The following DLG2 variants were observed in gnomAD, a reference collection of about 807,000 sequenced individuals.
The protein encoded by DLG2 is disks large homolog 2.
A neutral mutation model predicts 132.5 loss-of-function variants in DLG2; 45 were observed. The ratio of observed to expected loss-of-function variants is 0.34; its 90% CI spans 0.27 to 0.44. DLG2 has a LOEUF of 0.44. Among genes scored for constraint, DLG2 ranks in the 20% least tolerant of loss-of-function variants. DLG2 has a pLI of 1.00. For missense variants in DLG2, 1,045 were observed against 1,196.9 expected, an observed-to-expected ratio of 0.87 and a Z score of 1.87; for synonymous variants, 424 against 419.6, an observed-to-expected ratio of 1.01 and a Z score of -0.13.
intron 3 of DLG2, among the ~76,000 whole-genome samples, chr11:85,499,786 T>C (rs1035593848): frequency 6.6e-6 from 1 of 152,146 alleles, no homozygotes; most frequent in Non-Finnish European, 1.5e-5. Flanking sequence ...GAAAGGCTAG[T>C]TCAACATATG....
chr11:84,861,640 C>CAAAAAAAAAAAAAAAAAAAAAAAAAAAAA (rs1248486704), intron 6 of DLG2, among the ~76,000 whole-genome samples: 2 of 75,652 alleles, frequency 2.6e-5, no homozygotes, highest in Non-Finnish European at 2.3e-5. Flanking sequence ...AAAAAAAAAA[C>CAAAAAAAAAAAAAAAAAAAAAAAAAAAAA]AAAAAAAAAA....
Position 84,727,135 on chromosome 11 carries a change from C to T in DLG2, c.358-192404G>A, listed in dbSNP as rs1314525561. 4.6e-5 allele frequency among the ~76,000 whole-genome samples: 7 copies of T among 152,140 alleles called. No homozygotes were observed. In the East Asian group the frequency reaches 1.4e-3, roughly 29 times the overall value. ...GTTTGTCAATTTTGGCTTTTGTTGC[C>T]ATTGTTTTTGGTGTTTTAGACGAAG... On this transcript the variant is annotated intron_variant, in intron 6 of 27. Coordinates refer to ENST00000376104, the MANE Select transcript of DLG2 (RefSeq NM_001142699.3).
At chr11:84,974,840 T>A (rs2054635854) in intron 6 of DLG2, among the ~76,000 whole-genome samples, 1 of 152,230 alleles carries the variant, frequency 6.6e-6, no homozygotes, top group Non-Finnish European at 1.5e-5. Flanking sequence ...AGTTTGAGAA[T>A]CAAAGGTCTA....
intron 6 of DLG2, among the ~76,000 whole-genome samples, chr11:84,854,540 T>C (rs963710747): frequency 2.6e-5 from 4 of 152,014 alleles, no homozygotes; most frequent in African/African-American, 9.7e-5. Context: ...TGAAAACCCC[T>C]GTCTTCTATT....
chr11:85,408,663 T>C (rs2089016265), intron 3 of DLG2, among the ~76,000 whole-genome samples: 1 of 150,996 alleles, frequency 6.6e-6, no homozygotes, highest in Non-Finnish European at 1.5e-5. Context: ...TTTTTGTTCT[T>C]GCGATAGTTT....
rs574951967 is a variant in DLG2, at chr11:83,741,878, G to A, written c.1825+44812C>T. ...AAAATGCAAAAAATTAGCAAGGCGT[G>A]GTGGTGGGTGCCTGTAGTTCCAGCT... On this transcript the variant is annotated intron_variant, in intron 18 of 27. Transcript: ENST00000376104. Among the ~76,000 whole-genome samples the A allele has an allele frequency of 2.5e-3, 379 of 151,874 alleles. 2 individuals carry two copies. The highest frequency in any genetic ancestry group is 9.0e-3 in the South Asian group (43 of 4,802).
At chr11:85,106,698 T>C (rs1190624037) in intron 6 of DLG2, among the ~76,000 whole-genome samples, 1 of 151,992 alleles carries the variant, frequency 6.6e-6, no homozygotes, top group Non-Finnish European at 1.5e-5. Flanking sequence ...TCCTGTTGTG[T>C]ACATAAACTC....
chr11:84,533,554 A>G (rs1224132280), intron 7 of DLG2, among the ~76,000 whole-genome samples: 1 of 152,208 alleles, frequency 6.6e-6, no homozygotes, highest in African/African-American at 2.4e-5. Context: ...TTTTTAGCAT[A>G]CCAATATGTT....
At chr11:84,362,792 G>C (rs973354697) in intron 7 of DLG2, among the ~76,000 whole-genome samples, 1 of 152,070 alleles carries the variant, frequency 6.6e-6, no homozygotes, top group Non-Finnish European at 1.5e-5. Context: ...AGTTTACTGA[G>C]AATGATGATT....
intron 8 of DLG2, among the ~76,000 whole-genome samples, chr11:84,219,230 C>A (rs2154322286): frequency 6.6e-6 from 1 of 152,264 alleles, no homozygotes; most frequent in East Asian, 1.9e-4. Flanking sequence ...AACTTTTTGT[C>A]CCTAGTTGAC....
At chr11:84,406,579 A>T (rs567017030) in intron 7 of DLG2, among the ~76,000 whole-genome samples, 1 of 152,310 alleles carries the variant, frequency 6.6e-6, no homozygotes, top group South Asian at 2.1e-4. Flanking sequence ...GGCTAAAGGA[A>T]TCCACTCACC....
At chr11:84,094,465 T>C (rs1442069686) in intron 10 of DLG2, among the ~76,000 whole-genome samples, 1 of 152,150 alleles carries the variant, frequency 6.6e-6, no homozygotes, top group Non-Finnish European at 1.5e-5. Context: ...CTGTAAATGT[T>C]AGTGTTATTT....
chr11:83,465,825 C>A (rs990635416), intron 26 of DLG2, among the ~76,000 whole-genome samples: 5 of 152,124 alleles, frequency 3.3e-5, no homozygotes, highest in African/African-American at 1.2e-4. Context: ...GCAATTTGCC[C>A]AAGGTTACTT....
At chr11:85,403,210 G>A (rs549715966) in intron 3 of DLG2, among the ~76,000 whole-genome samples, 133 of 152,256 alleles carry the variant, frequency 8.7e-4, no homozygotes, top group African/African-American at 2.9e-3. Context: ...GATGAAGCTA[G>A]AAATCATCAT....
chr11:84,660,363 G>T (rs1308804065), intron 6 of DLG2, among the ~76,000 whole-genome samples: 1 of 152,072 alleles, frequency 6.6e-6, no homozygotes, highest in African/African-American at 2.4e-5. Flanking sequence ...TGACAATTCC[G>T]ATATTTCACT....
intron 6 of DLG2, among the ~76,000 whole-genome samples, chr11:84,615,830 A>AAAAAAAAAAAAAAAG: frequency 6.8e-6 from 1 of 146,524 alleles, no homozygotes; most frequent in African/African-American, 2.6e-5. Context: ...AAAAAAAAAA[A>AAAAAAAAAAAAAAAG]AAAAAAAAAA....
chr11:85,623,133 A>G (rs1422325494), intron 2 of DLG2, among the ~76,000 whole-genome samples: 1 of 152,156 alleles, frequency 6.6e-6, no homozygotes, highest in Non-Finnish European at 1.5e-5. Context: ...CAAAACATAT[A>G]CATATAAAAA....
chr11:84,223,608 T>C (rs1370071531), intron 8 of DLG2, among the ~76,000 whole-genome samples: 2 of 151,468 alleles, frequency 1.3e-5, no homozygotes, highest in African/African-American at 4.9e-5. Flanking sequence ...CCAGGCTGGA[T>C]TGCAGTGGCA....
At chr11:83,704,454 T>C (rs1024598961) in intron 18 of DLG2, among the ~76,000 whole-genome samples, 1 of 152,102 alleles carries the variant, frequency 6.6e-6, no homozygotes, top group Admixed American at 6.5e-5. Flanking sequence ...TATTTTGCAG[T>C]TTCAACAATA....
Sources: gnomAD v4.1 joint callset for allele counts (sites outside exome capture counted in the v4.1 genomes callset) on GRCh38, gnomAD v4.1.1 for gene constraint, MANE v1.5 for transcripts, NCBI Gene and HGNC (gene_info 2026-07-23, HGNC 2026-07-21) for gene names.